Variants in GREB1 observed in about 807,000 individuals in gnomAD.
GREB1 encodes the protein protein GREB1.
In GREB1, 106 loss-of-function variants were observed where a neutral mutation model predicts 200.7. The ratio of observed to expected loss-of-function variants is 0.53; its 90% CI spans 0.45 to 0.62. The LOEUF (loss-of-function observed/expected upper bound fraction) is 0.62, where lower values mean the gene tolerates loss of function less well. Ranked by LOEUF, GREB1 falls within the 20% of genes least tolerant of loss-of-function variation. GREB1 has a pLI of 0.00. For synonymous variants in GREB1, 1,132 were observed against 1,092.4 expected, an observed-to-expected ratio of 1.04 and a Z score of -0.72; for missense variants, 2,243 against 2,556.8, an observed-to-expected ratio of 0.88 and a Z score of 2.65.
chr2:11,613,635 T>A (rs987037505), intron 19 of GREB1, among the ~76,000 whole-genome samples: 7 of 152,228 alleles, frequency 4.6e-5, no homozygotes, highest in African/African-American at 1.7e-4. Flanking sequence ...TTGACCTTGC[T>A]TGTTGCTATT....
At chr2:11,505,091 C>G (rs546210069) in intron 1 of GREB1, among the ~76,000 whole-genome samples, 1 of 152,140 alleles carries the variant, frequency 6.6e-6, no homozygotes, top group East Asian at 1.9e-4. Context: ...GCAACCATGC[C>G]CAGCTAATTT....
intron 4 of GREB1, among the ~76,000 whole-genome samples, chr2:11,571,251 T>C (rs997731598): frequency 6.6e-6 from 1 of 152,210 alleles, no homozygotes; most frequent in Admixed American, 6.5e-5. Flanking sequence ...AGGTATAGTG[T>C]GTGCTCGTCT....
chr2:11,588,989 ACCTGGCCTCGGC>A, intron 10 of GREB1, 58 bp downstream of exon 10: 4 of 1,431,026 alleles, frequency 2.8e-6, no homozygotes, highest in Non-Finnish European at 3.9e-6. Context: ...CCGAGCACAG[ACCTGGCCTCGGC>A]CCTCGTGGGG....
chr2:11,526,827 AGATTATAGGCATGAGCCACC>A (rs1673893775), intron 1 of GREB1, among the ~76,000 whole-genome samples: 1 of 152,138 alleles, frequency 6.6e-6, no homozygotes, highest in African/African-American at 2.4e-5. Flanking sequence ...CAAAGCGCTG[AGATTATAGGCATGAGCCACC>A]GCTCCCGGCT....
rs1323039833 is a variant in GREB1 at position 11,638,702 on chromosome 2, A to G, written c.5579A>G (p.His1860Arg). 6.2e-7 allele frequency: 1 copy of G among 1,613,838 alleles called. No individual in the cohort carries two copies. Among genetic ancestry groups the G allele is most frequent in the East Asian group, 2.2e-5 (1 of 44,868 alleles). ...GTTTGCTATGTGAGCTCCAGGCCCC[A>G]CTCTTTAAACATCAGCTGCTCGGAC... ...ISVCYVSSRP[H>R]SLNISCSDLL... The change falls in exon 32 of 33, where the codon CAC becomes CGC. Residue 1860 changes from histidine (H) to arginine (R), a missense_variant. Around this residue, in one of 3 missense-constraint regions of GREB1, gnomAD observed 478 missense variants for 616.3 expected, o/e 0.78. Coordinates refer to ENST00000381486, the MANE Select transcript of GREB1 (RefSeq NM_014668.4).
intron 23 of GREB1, among the ~76,000 whole-genome samples, chr2:11,622,003 A>C (rs894846482): frequency 3.3e-5 from 5 of 152,220 alleles, no homozygotes; most frequent in African/African-American, 1.2e-4. Context: ...CCATTCTTTA[A>C]ATCTTATCTC....
Position 11,640,439 on chromosome 2 carries a change from G to T in GREB1, c.5835G>T (p.Thr1945=). The change falls in exon 33 of 33, where the codon ACG becomes ACT. Residue 1945 remains threonine, a synonymous_variant. Transcript: ENST00000381486. The surrounding 1 kb of genome is among the most constrained non-coding windows in gnomAD (Gnocchi z 4.6). ...AAGACCGGCCGCTCTTTTTTCTGAC[G>T]GGACGACACATCTGAGGAAGACAGC... ...AREDRPLFFL[T]GRHI is the part of the protein sequence containing the mutation. The T allele has an allele frequency of 6.2e-7, 1 of 1,614,086 alleles. No homozygotes were observed. The highest frequency in any genetic ancestry group is 1.1e-5 in the South Asian group (1 of 91,074).
At chr2:11,612,970 C>T (rs895257518) in intron 19 of GREB1, among the ~76,000 whole-genome samples, 20 of 152,132 alleles carry the variant, frequency 1.3e-4, no homozygotes, top group African/African-American at 1.9e-4. Context: ...TGGGACAGTA[C>T]GGCATCCTCT....
intron 1 of GREB1, among the ~76,000 whole-genome samples, chr2:11,520,512 G>A (rs984765106): frequency 3.3e-5 from 5 of 152,126 alleles, no homozygotes; most frequent in Non-Finnish European, 5.9e-5. Context: ...GCTTCTAGAG[G>A]CCACTCACAT....
intron 15 of GREB1, 52 bp from the exon 16 acceptor site, chr2:11,600,748 A>G: frequency 6.7e-7 from 1 of 1,493,022 alleles, no homozygotes; most frequent in East Asian, 2.3e-5. Flanking sequence ...TCACCTTGCA[A>G]AATTAGAAAA....
At chr2:11,592,181 T>C (rs1000050142) in intron 10 of GREB1, 27 of 651,906 alleles carry the variant, frequency 4.1e-5, no homozygotes, top group Non-Finnish European at 5.1e-5. Flanking sequence ...TCCTACTTTT[T>C]TTTTTCTTTT....
At chr2:11,587,217 C>G (rs1680203837) in intron 9 of GREB1, among the ~76,000 whole-genome samples, 1 of 152,210 alleles carries the variant, frequency 6.6e-6, no homozygotes, top group Admixed American at 6.5e-5. Context: ...GCCATATGTC[C>G]AAGCCCTCCT....
chr2:11,483,776 C>T (rs1672579087), intron 1 of GREB1, among the ~76,000 whole-genome samples: 1 of 150,032 alleles, frequency 6.7e-6, no homozygotes, highest in Admixed American at 6.7e-5. Flanking sequence ...CTGGGAGAGC[C>T]GCCATTCATG....
chr2:11,510,829 C>T (rs566770050), intron 1 of GREB1, among the ~76,000 whole-genome samples: 12 of 152,068 alleles, frequency 7.9e-5, no homozygotes, highest in African/African-American at 2.9e-4. Flanking sequence ...CCTGTCATCA[C>T]ACCCGGCTAT....
chr2:11,574,831 C>T (rs368074167), intron 4 of GREB1, among the ~76,000 whole-genome samples: 4 of 152,176 alleles, frequency 2.6e-5, no homozygotes, highest in African/African-American at 7.2e-5. Flanking sequence ...CCATGGAAAG[C>T]GAGCACATGG....
At chr2:11,631,379 C>G (rs140245129) in intron 26 of GREB1, among the ~76,000 whole-genome samples, 32 of 152,298 alleles carry the variant, frequency 2.1e-4, no homozygotes, top group African/African-American at 6.7e-4. Context: ...AATGTGTGCT[C>G]TGGGCACAAT....
chr2:11,499,473 G>A (rs1050555022), intron 1 of GREB1, among the ~76,000 whole-genome samples: 13 of 152,260 alleles, frequency 8.5e-5, no homozygotes, highest in Non-Finnish European at 4.4e-5. Flanking sequence ...CTCTCTCCAT[G>A]GGGAATAGAG....
In GREB1 at chr2:11,580,760, G is replaced by A. The variant is rs76718398; in HGVS notation, c.829G>A (p.Gly277Ser). The A allele has an allele frequency of 9.5e-4, 1,538 of 1,614,190 alleles. 13 individuals carry two copies. The African/African-American group carries it at 0.018, about 19-fold the overall frequency. Residue 277 changes from glycine to serine, a missense_variant, in exon 7 of 33, where the codon GGC becomes AGC. Gly to Ser is a moderately conservative substitution (Grantham distance 56). This residue lies in a region of GREB1 where 1,178 missense variants were observed against 1,387.4 expected (regional missense o/e 0.85). Coordinates refer to ENST00000381486, the MANE Select transcript of GREB1 (RefSeq NM_014668.4). This position sits in a 1 kb window ranked among gnomAD's most constrained non-coding sequence, Gnocchi z 4.5. Reference protein sequence around the residue: ...NAAMGPAVFNGKDSPKCQQLA... With the variant: ...NAAMGPAVFNSKDSPKCQQLA... ...AGCAATGGGTCCGGCTGTTTTCAAC[G>A]GCAAAGATTCCCCGAAGTGCCAACA...
chr2:11,594,335 T>A (rs1457824338), intron 11 of GREB1, among the ~76,000 whole-genome samples: 1 of 150,494 alleles, frequency 6.6e-6, no homozygotes, highest in Non-Finnish European at 1.5e-5. Flanking sequence ...AAGTATAGTG[T>A]CTGAATTGTC....
Sources: allele counts gnomAD v4.1 joint callset (sites outside exome capture counted in the v4.1 genomes callset), GRCh38; gene constraint gnomAD v4.1.1; regional missense constraint gnomAD v4.1.1; non-coding constraint Gnocchi (gnomAD v3.1); transcripts MANE v1.5; gene names NCBI Gene and HGNC (gene_info 2026-07-23, HGNC 2026-07-21).